The following ANO4 variants were observed in gnomAD, a reference collection of about 807,000 sequenced individuals.
ANO4 encodes anoctamin-4.
Under a neutral mutation model 141.9 loss-of-function variants are expected in ANO4, and 69 were observed. The ratio of observed to expected loss-of-function variants is 0.49; its 90% CI spans 0.40 to 0.59. The LOEUF is 0.59. Among genes scored for constraint, ANO4 ranks in the 20% least tolerant of loss-of-function variants. The pLI is 0.00. For synonymous variants in ANO4, 350 were observed against 394.3 expected (o/e 0.89, Z 1.33); for missense variants, 894 against 1,162.2 (o/e 0.77, Z 3.36).
chr12:100,755,820 C>T (rs1407763296), intron 3 of ANO4, among the ~76,000 whole-genome samples: 1 of 152,168 alleles, frequency 6.6e-6, no homozygotes, highest in East Asian at 1.9e-4. Flanking sequence ...GTTCTCTCCT[C>T]TCCCTTTGCT....
intron 15 of ANO4, among the ~76,000 whole-genome samples, chr12:101,080,252 A>G (rs2049192372): frequency 6.6e-6 from 1 of 152,106 alleles, no homozygotes; most frequent in Non-Finnish European, 1.5e-5. Flanking sequence ...GGGGGAAGTA[A>G]TTCTGAGAGG....
intron 17 of ANO4, among the ~76,000 whole-genome samples, chr12:101,091,355 GTGA>G (rs2049765497): frequency 6.6e-6 from 1 of 152,158 alleles, no homozygotes; most frequent in South Asian, 2.1e-4. Context: ...TCAGCTATCT[GTGA>G]TGATGTCTCA....
At chr12:100,806,537 T>G (rs1254429487) in intron 1 of ANO4, among the ~76,000 whole-genome samples, 3 of 41,524 alleles carry the variant, frequency 7.2e-5, no homozygotes, top group African/African-American at 2.7e-4. Flanking sequence ...TTTTTTTTTT[T>G]TTTTTTTTTT....
intron 1 of ANO4, among the ~76,000 whole-genome samples, chr12:100,802,597 G>T (rs1176624904): frequency 6.6e-6 from 1 of 152,214 alleles, no homozygotes; most frequent in Non-Finnish European, 1.5e-5. Flanking sequence ...TGATGTGGTA[G>T]AAAAGAAGCT....
At chr12:100,926,492 A>G (rs1053279841) in intron 3 of ANO4, among the ~76,000 whole-genome samples, 1 of 152,174 alleles carries the variant, frequency 6.6e-6, no homozygotes, top group Non-Finnish European at 1.5e-5. Flanking sequence ...CTAATTCAGG[A>G]AAAATGAAAA....
chr12:100,845,562 A>C (rs979942977), intron 1 of ANO4, among the ~76,000 whole-genome samples: 1 of 152,180 alleles, frequency 6.6e-6, no homozygotes, highest in Admixed American at 6.5e-5. Context: ...TTATAGCTTA[A>C]GATGTTTGCA....
intron 3 of ANO4, among the ~76,000 whole-genome samples, chr12:100,775,491 G>C (rs1216205116): frequency 1.3e-5 from 2 of 152,182 alleles, no homozygotes; most frequent in Admixed American, 6.5e-5. Context: ...GGGGAACAGT[G>C]TTATCAAACA....
intron 1 of ANO4, among the ~76,000 whole-genome samples, chr12:100,797,116 ATATATATGTGTGTG>A (rs1255341656): frequency 7.2e-6 from 1 of 139,278 alleles, no homozygotes; most frequent in Non-Finnish European, 1.6e-5. Flanking sequence ...GCAATTGTTT[ATATATATGTGTGTG>A]TATATATATA....
intron 1 of ANO4, among the ~76,000 whole-genome samples, chr12:100,862,573 C>A (rs925190841): frequency 2.6e-4 from 39 of 152,154 alleles, no homozygotes; most frequent in African/African-American, 9.4e-4. Flanking sequence ...TTGCCCACCT[C>A]AGCCTCCCAA....
At chr12:100,888,646 A>G (rs1023985498) in intron 1 of ANO4, among the ~76,000 whole-genome samples, 1 of 152,220 alleles carries the variant, frequency 6.6e-6, no homozygotes, top group Non-Finnish European at 1.5e-5. Context: ...CCTGTGAGGG[A>G]GCCCAGGTGA....
chr12:100,824,553 G>A (rs1368765098), intron 1 of ANO4, among the ~76,000 whole-genome samples: 3 of 152,120 alleles, frequency 2.0e-5, no homozygotes, highest in African/African-American at 7.2e-5. Context: ...AGGGTACAGT[G>A]TCACATTAGC....
intron 3 of ANO4, among the ~76,000 whole-genome samples, chr12:100,779,905 C>T (rs1054024222): frequency 6.6e-6 from 1 of 152,076 alleles, no homozygotes; most frequent in Non-Finnish European, 1.5e-5. Context: ...GGCTTTCATG[C>T]TCCAAAAATA....
chr12:101,029,687 G>T (rs1199534060), intron 9 of ANO4, among the ~76,000 whole-genome samples: 1 of 151,980 alleles, frequency 6.6e-6, no homozygotes, highest in South Asian at 2.1e-4. Context: ...TGAGGTGGGT[G>T]GATCACGAGG....
intron 26 of ANO4, among the ~76,000 whole-genome samples, chr12:101,124,836 G>A (rs752581519): frequency 1.3e-5 from 2 of 152,158 alleles, no homozygotes; most frequent in African/African-American, 2.4e-5. Flanking sequence ...CTATGTGTCT[G>A]TTTTTGTACT....
At chr12:100,841,060 G>A (rs995264617) in intron 1 of ANO4, among the ~76,000 whole-genome samples, 3 of 151,910 alleles carry the variant, frequency 2.0e-5, no homozygotes, top group African/African-American at 7.3e-5. Context: ...TGAGCAATGG[G>A]AACACCTTTA....
At chr12:100,789,588 G>A (rs1330154412) in intron 3 of ANO4, among the ~76,000 whole-genome samples, 1 of 152,198 alleles carries the variant, frequency 6.6e-6, no homozygotes, top group Non-Finnish European at 1.5e-5. Context: ...CAAGTTTTAT[G>A]CTTCTCATTT....
chr12:100,993,292 ACAAATG>A (rs1458939341), intron 8 of ANO4, among the ~76,000 whole-genome samples: 2 of 152,208 alleles, frequency 1.3e-5, no homozygotes, highest in Non-Finnish European at 2.9e-5. Flanking sequence ...AAGTCAACAT[ACAAATG>A]CTACTTGGTC....
At chr12:100,991,513 TAAA>T (rs59975425) in intron 8 of ANO4, among the ~76,000 whole-genome samples, 2 of 111,170 alleles carry the variant, frequency 1.8e-5, no homozygotes, top group Non-Finnish European at 3.5e-5. Flanking sequence ...ATGAAAATAG[TAAA>T]AAAAAAAAAA....
intron 3 of ANO4, among the ~76,000 whole-genome samples, chr12:100,780,844 G>A (rs1169609490): frequency 2.6e-5 from 4 of 152,100 alleles, no homozygotes; most frequent in Non-Finnish European, 2.9e-5. Flanking sequence ...GTGCCCAGCC[G>A]CAATTTAAAA....
Sources: gnomAD v4.1 joint callset for allele counts (sites outside exome capture counted in the v4.1 genomes callset) on GRCh38, gnomAD v4.1.1 for gene constraint, MANE v1.5 for transcripts, NCBI Gene and HGNC (gene_info 2026-07-23, HGNC 2026-07-21) for gene names.